Variants in CENPE observed in about 807,000 individuals in gnomAD.
CENPE encodes the protein centromere-associated protein E.
CENPE carries 145 observed loss-of-function variants against 336.1 expected under a neutral mutation model. That is an observed-to-expected ratio of 0.43 (90% CI 0.38 to 0.50). The LOEUF (loss-of-function observed/expected upper bound fraction) is 0.50. CENPE is among the 20% of genes least tolerant of loss of function. CENPE has a pLI of 0.00. For synonymous variants in CENPE, 1,013 were observed against 984.8 expected, an observed-to-expected ratio of 1.03 and a Z score of -0.54; for missense variants, 2,719 against 3,023.3, an observed-to-expected ratio of 0.90 and a Z score of 2.36.
At position 103,161,470 on chromosome 4, in the gene CENPE, C is replaced by CA; in HGVS notation, c.1843-14dup. The stretch of plus-strand genomic sequence containing the variant: ...CTTCAATGCTTTCCTAGACAGATGA[C>CA]AAAAGGGGTTCACTGAAATCTAATT... On this transcript the variant is annotated splice_polypyrimidine_tract_variant and intron_variant, in intron 18 of 48. Coordinates refer to ENST00000265148, the MANE Select transcript of CENPE (RefSeq NM_001813.3). The CA allele has an allele frequency of 6.4e-7, 1 of 1,551,826 alleles. No individual in the cohort carries two copies. Among genetic ancestry groups the CA allele is most frequent in the Non-Finnish European group, 8.7e-7 (1 of 1,156,018 alleles).
Position 103,148,978 on chromosome 4 carries a change from G to A in CENPE, c.3709C>T (p.Leu1237=), listed in dbSNP as rs1560630824. 1 of 1,613,350 alleles carries A rather than the reference G, an allele frequency of 6.2e-7. No homozygotes were observed. The highest frequency in any genetic ancestry group is 8.5e-7 in the Non-Finnish European group (1 of 1,179,798). The part of the protein sequence containing the change: ...EATGLQTKEE[L]KIAHIHLKEH... ...TTTAGGTGAATATGAGCAATTTTTA[G>A]TTCTTCTTTGGTTTGTAGGCCCTTG... The change falls in exon 28 of 49, where the codon CTA becomes TTA. Residue 1237 remains leucine (L), a synonymous_variant. Transcript: ENST00000265148.
At chr4:103,133,127 T>C (rs751159958) in intron 41 of CENPE, among the ~76,000 whole-genome samples, 1 of 152,002 alleles carries the variant, frequency 6.6e-6, no homozygotes, top group Non-Finnish European at 1.5e-5. Context: ...TTTGGCAGTA[T>C]ACATGATGTA....
At chr4:103,115,170 G>C (rs2125848777) in intron 45 of CENPE, among the ~76,000 whole-genome samples, 1 of 147,896 alleles carries the variant, frequency 6.8e-6, no homozygotes, top group East Asian at 2.0e-4. Flanking sequence ...TCTTGGTCTT[G>C]TCCCCCAGGC....
intron 3 of CENPE, 59 bp from the exon 4 acceptor site, chr4:103,196,097 C>T: frequency 6.3e-7 from 1 of 1,581,152 alleles, no homozygotes; most frequent in Non-Finnish European, 8.7e-7. Flanking sequence ...ATGGGTAAAA[C>T]TATGCATGCT....
chr4:103,147,378 T>C lies in CENPE; in HGVS notation c.4112A>G (p.His1371Arg). 10 of 1,605,278 alleles carry C rather than the reference T, an allele frequency of 6.2e-6. No individual in the cohort carries two copies. The highest frequency in any genetic ancestry group is 2.0e-4 in the Middle Eastern group (1 of 5,010). The change falls in exon 29 of 49, where the codon CAT (histidine) becomes CGT (arginine). Residue 1371 changes from histidine (H) to arginine (R), a missense_variant. This residue lies in a region of CENPE where 2,437 missense variants were observed against 2,513.3 expected (regional missense o/e 0.97). Coordinates refer to ENST00000265148, the MANE Select transcript of CENPE (RefSeq NM_001813.3). ...TACTTTAGCCAAAGTTTCTCTAATA[T>C]GTTCTTTCAGCTGGTCATGTTTAAC... is the stretch of plus-strand genomic sequence containing the variant. ...LEVKHDQLKE[H>R]IRETLAKIQE... is the part of the protein sequence containing the mutation.
Position 103,159,108 on chromosome 4 carries a change from T to A in CENPE, c.2503A>T (p.Met835Leu), listed in dbSNP as rs1754207857. Residue 835 changes from methionine to leucine, a missense_variant, in exon 22 of 49, where the codon ATG becomes TTG. Met to Leu is a conservative substitution (Grantham distance 15). This residue lies in a region of CENPE where 2,437 missense variants were observed against 2,513.3 expected (regional missense o/e 0.97). Transcript: ENST00000265148. Reference sequence around the variant, plus strand: ...ATTCTCTCATTCTCCTCAAGGACCATCTTATACTTTTGCTCAAAGTCCATA... The same window carrying A: ...ATTCTCTCATTCTCCTCAAGGACCAACTTATACTTTTGCTCAAAGTCCATA... The part of the protein sequence containing the change: ...LHMDFEQKYK[M>L]VLEENERMNQ... The A allele has an allele frequency of 3.7e-6, 6 of 1,603,224 alleles. No homozygotes were observed. Among genetic ancestry groups the A allele is most frequent in the Non-Finnish European group, 5.1e-6 (6 of 1,176,176 alleles).
intron 24 of CENPE, among the ~76,000 whole-genome samples, chr4:103,157,711 G>A (rs1160099686): frequency 6.6e-6 from 1 of 151,746 alleles, no homozygotes; most frequent in Non-Finnish European, 1.5e-5. Context: ...AAATGGTTAA[G>A]GTGGTAAATT....
intron 45 of CENPE, among the ~76,000 whole-genome samples, chr4:103,115,879 T>C (rs1201858314): frequency 1.3e-5 from 2 of 151,944 alleles, no homozygotes; most frequent in Middle Eastern, 3.2e-3. Flanking sequence ...TACAGGCGCC[T>C]GCCACCATGC....
At position 103,147,420 on chromosome 4, in the gene CENPE, A is replaced by G; in HGVS notation, c.4070T>C (p.Ile1357Thr). ...ATGTTTAACTTCAAGGGCTTCTTTTATCGTTTTAAGGTTGTCTCTTTCCTT... is the reference window on the plus strand; with the variant it reads ...ATGTTTAACTTCAAGGGCTTCTTTTGTCGTTTTAAGGTTGTCTCTTTCCTT... ...LTKERDNLKT[I>T]KEALEVKHDQ... The change falls in exon 29 of 49, where the codon ATA becomes ACA. Residue 1357 changes from isoleucine to threonine, a missense_variant. By Grantham distance (89) the Ile-to-Thr change is moderately conservative. This residue lies in a region of CENPE where 2,437 missense variants were observed against 2,513.3 expected (regional missense o/e 0.97). Transcript: ENST00000265148. The G allele has an allele frequency of 6.2e-7, 1 of 1,613,402 alleles. No individual in the cohort carries two copies. Among genetic ancestry groups the G allele is most frequent in the Non-Finnish European group, 8.5e-7 (1 of 1,179,910 alleles).
Position 103,158,354 on chromosome 4 carries a change from C to T in CENPE, c.2979G>A (p.Arg993=). 6.2e-7 allele frequency: 1 copy of T among 1,610,032 alleles called. No homozygotes were observed. The highest frequency in any genetic ancestry group is 1.1e-5 in the South Asian group (1 of 90,564). Residue 993 remains arginine (R), a synonymous_variant, in exon 24 of 49, where the codon AGG becomes AGA. Transcript: ENST00000265148. ...LKSKISEEVS[R]NLHMEENTGE... ...CTGTATTTTCCTCCATATGCAAATT[C>T]CTGGAAACTTCCTCAGAAATTTTCG...
intron 13 of CENPE, among the ~76,000 whole-genome samples, chr4:103,179,271 A>G (rs1026864650): frequency 1.3e-5 from 2 of 152,216 alleles, no homozygotes; most frequent in African/African-American, 2.4e-5. Context: ...TGATGTGCAC[A>G]GTAGCTACAT....
At chr4:103,163,761 A>G (rs767953712) in intron 16 of CENPE, among the ~76,000 whole-genome samples, 3 of 146,542 alleles carry the variant, frequency 2.0e-5, no homozygotes, top group Non-Finnish European at 3.1e-5. Context: ...CCCAAAACAT[A>G]TCAAACAAAT....
chr4:103,196,328 AATT>A, intron 2 of CENPE, 76 bp from the exon 3 acceptor site: 1 of 1,050,728 alleles, frequency 9.5e-7, no homozygotes, highest in Non-Finnish European at 1.4e-6. Context: ...CCAAATTAGT[AATT>A]ATTCCCAAAA....
At chr4:103,148,562 A>G (rs1753260092) in intron 28 of CENPE, among the ~76,000 whole-genome samples, 1 of 152,170 alleles carries the variant, frequency 6.6e-6, no homozygotes, top group Non-Finnish European at 1.5e-5. Context: ...CACTTTCTCC[A>G]TAGCATTTAC....
rs762447508 is a variant in CENPE at position 103,161,241 on chromosome 4, G to T, written c.1976C>A (p.Ala659Glu). The change falls in exon 20 of 49, where the codon GCA (alanine) becomes GAA (glutamate). Residue 659 changes from alanine to glutamate, a missense_variant. By Grantham distance (107) the Ala-to-Glu change is moderately radical. Coordinates refer to ENST00000265148, the MANE Select transcript of CENPE (RefSeq NM_001813.3). Reference sequence around the variant, plus strand: ...ATTTTCCATTTGCTTGTATGTAGTTGCAAGTTCTTTCTATTGAGAAAAACA... The same window carrying T: ...ATTTTCCATTTGCTTGTATGTAGTTTCAAGTTCTTTCTATTGAGAAAAACA... ...LELKEKMKEL[A>E]TTYKQMENDI... 4 of 1,607,740 alleles carry T rather than the reference G, an allele frequency of 2.5e-6. No individual in the cohort carries two copies. The highest frequency in any genetic ancestry group is 2.5e-6 in the Non-Finnish European group (3 of 1,177,746).
At chr4:103,174,473 T>TA (rs1487520971) in intron 16 of CENPE, among the ~76,000 whole-genome samples, 1 of 152,000 alleles carries the variant, frequency 6.6e-6, no homozygotes, top group Non-Finnish European at 1.5e-5. Context: ...ATTGTATTCT[T>TA]AAAAAACATA....
At chr4:103,174,600 A>T in intron 16 of CENPE, 136 bp downstream of exon 16, 2 of 546,246 alleles carry the variant, frequency 3.7e-6, no homozygotes, top group Non-Finnish European at 6.0e-6. Context: ...ATCATACATC[A>T]TGTTGTATAC....
At chr4:103,129,894 T>A (rs1751440042) in intron 42 of CENPE, among the ~76,000 whole-genome samples, 1 of 152,294 alleles carries the variant, frequency 6.6e-6, no homozygotes, top group Admixed American at 6.5e-5. Flanking sequence ...TCAATTAATG[T>A]TCCATCACAT....
rs751254711 is a variant in CENPE at position 103,123,018 on chromosome 4, C to T, written c.6996G>A (p.Leu2332=). ...TTTCATTTTTCTCTTTCAGTGATTT[C>T]AGGTCCTGTTCCCACTCTTTGGATA... ...ATISKEWEQD[L]KSLKEKNEKL... The change falls in exon 43 of 49, where the codon CTG becomes CTA. Residue 2332 remains leucine (L), a synonymous_variant. Transcript: ENST00000265148. 59 of 1,613,804 alleles carry T rather than the reference C, an allele frequency of 3.7e-5. No individual in the cohort carries two copies. Among genetic ancestry groups the T allele is most frequent in the Non-Finnish European group, 4.6e-5 (54 of 1,179,886 alleles).
Sources: gnomAD v4.1 joint callset for allele counts (sites outside exome capture counted in the v4.1 genomes callset) on GRCh38, gnomAD v4.1.1 for gene constraint, gnomAD v4.1.1 regional missense constraint, MANE v1.5 for transcripts, NCBI Gene and HGNC (gene_info 2026-07-23, HGNC 2026-07-21) for gene names.